The following MYO9A variants were observed in gnomAD, a reference collection of about 807,000 sequenced individuals.
MYO9A encodes the protein unconventional myosin-IXa.
MYO9A carries 103 observed loss-of-function variants against 293.3 expected under a neutral mutation model. The observed-to-expected ratio is 0.35, with a 90% CI of 0.30 to 0.41. MYO9A has a LOEUF of 0.41. Ranked by LOEUF, MYO9A falls within the 10% of genes least tolerant of loss-of-function variation. The pLI, the probability that MYO9A is intolerant of heterozygous loss-of-function variation, is 1.00. For missense variants in MYO9A, 2,685 were observed against 3,033.0 expected, an observed-to-expected ratio of 0.89 and a Z score of 2.69; for synonymous variants, 1,001 against 1,035.7, an observed-to-expected ratio of 0.97 and a Z score of 0.64.
At chr15:71,915,156 GA>G (rs2057972075) in intron 19 of MYO9A, among the ~76,000 whole-genome samples, 1 of 151,728 alleles carries the variant, frequency 6.6e-6, no homozygotes, top group Non-Finnish European at 1.5e-5. Flanking sequence ...TACTCAACAT[GA>G]TTTTTTTTTC....
At chr15:72,025,698 T>C (rs1438824872) in intron 4 of MYO9A, among the ~76,000 whole-genome samples, 1 of 151,928 alleles carries the variant, frequency 6.6e-6, no homozygotes, top group Non-Finnish European at 1.5e-5. Flanking sequence ...AATTCAACAA[T>C]AATACTGAGA....
At chr15:71,876,507 C>T (rs1294376506) in intron 31 of MYO9A, among the ~76,000 whole-genome samples, 1 of 136,974 alleles carries the variant, frequency 7.3e-6, no homozygotes, top group Non-Finnish European at 1.5e-5. Context: ...GCAATCTTGG[C>T]TCACCACAAC....
intron 4 of MYO9A, 22 bp from the exon 5 acceptor site, chr15:72,021,039 A>G: frequency 6.9e-7 from 1 of 1,446,318 alleles, no homozygotes; most frequent in East Asian, 2.6e-5. Flanking sequence ...AAAGAAGTAC[A>G]AGTTTCATAA....
intron 1 of MYO9A, among the ~76,000 whole-genome samples, chr15:72,065,022 G>A (rs2078978227): frequency 6.6e-6 from 1 of 152,144 alleles, no homozygotes; most frequent in African/African-American, 2.4e-5. Context: ...TCCAGAAACA[G>A]GCTCCTATAC....
intron 15 of MYO9A, chr15:71,950,347 A>G (rs2059022345): frequency 6.6e-6 from 1 of 152,238 alleles, no homozygotes; most frequent in African/African-American, 2.4e-5. Flanking sequence ...CTCCTATTCA[A>G]GATCCATATG....
At chr15:71,955,291 C>A (rs1322345320) in intron 14 of MYO9A, among the ~76,000 whole-genome samples, 3 of 152,098 alleles carry the variant, frequency 2.0e-5, no homozygotes, top group African/African-American at 7.2e-5. Flanking sequence ...CCAAGCCCGG[C>A]TAAATTTTTG....
intron 28 of MYO9A, among the ~76,000 whole-genome samples, chr15:71,880,885 AAAG>A (rs2056853157): frequency 6.6e-6 from 1 of 152,236 alleles, no homozygotes; most frequent in Non-Finnish European, 1.5e-5. Context: ...GTCCCAAAGA[AAAG>A]AAGAGAATAT....
chr15:72,042,026 A>C lies in MYO9A; in HGVS notation c.840+3698T>G, dbSNP rs1407700124. Among the ~76,000 whole-genome samples, 6 of 151,628 alleles carry C rather than the reference A, an allele frequency of 4.0e-5. 1 individual carries two copies. The highest frequency in any genetic ancestry group is 8.8e-5 in the Non-Finnish European group (6 of 67,874). On this transcript the variant is annotated intron_variant, in intron 2 of 41. Transcript: ENST00000356056. Reference sequence around the variant, plus strand: ...TCCAACACTGACAGTAAAAAAAAAAAAAACCAGTTCTACACAACTCTTCCA... The same window carrying C: ...TCCAACACTGACAGTAAAAAAAAAACAAACCAGTTCTACACAACTCTTCCA...
At chr15:71,929,639 A>G (rs1255031560) in intron 18 of MYO9A, among the ~76,000 whole-genome samples, 1 of 152,182 alleles carries the variant, frequency 6.6e-6, no homozygotes, top group African/African-American at 2.4e-5. Context: ...ATAAACCCCA[A>G]CTGATCATGG....
chr15:72,047,287 G>A (rs1268851623), intron 1 of MYO9A, among the ~76,000 whole-genome samples: 1 of 152,142 alleles, frequency 6.6e-6, no homozygotes, highest in East Asian at 1.9e-4. Context: ...GACTTGCTAG[G>A]CAAATTTAAC....
In MYO9A at chr15:71,982,487, C is replaced by T. The variant is rs537868378; in HGVS notation, c.1723-4195G>A. Among the ~76,000 whole-genome samples the T allele has an allele frequency of 1.4e-4, 22 of 152,144 alleles. No individual in the cohort carries two copies. The East Asian group carries it at 1.5e-3, about 11-fold the overall frequency. ...ATAAACAAATTTTGTAAATATCCCA[C>T]GCAAACTTGAAAAAAAAGTGCATTC... is the stretch of plus-strand genomic sequence containing the variant. On this transcript the variant is annotated intron_variant, in intron 11 of 41. Transcript: ENST00000356056.
rs780594914 is a variant in MYO9A, at chr15:71,898,556, T to A, written c.3947A>T (p.Gln1316Leu). Residue 1316 changes from glutamine to leucine, a missense_variant, in exon 25 of 42, where the codon CAG becomes CTG. This residue lies in a region of MYO9A where 1,434 missense variants were observed against 1,497.7 expected (regional missense o/e 0.96). Transcript: ENST00000356056. ...ACTATCAGGTGTACCCCGTGGAGAC[T>A]GAAGGCCTTCAGGCACCAATTCTGT... Reference protein sequence around the residue: ...WSTELVPEGLQSPRGTPDSES... With the variant: ...WSTELVPEGLLSPRGTPDSES... 1 of 1,614,112 alleles carries A rather than the reference T, an allele frequency of 6.2e-7. No individual in the cohort carries two copies. The highest frequency in any genetic ancestry group is 1.1e-5 in the South Asian group (1 of 91,078).
At position 71,900,018 on chromosome 15, in the gene MYO9A, A is replaced by G; in HGVS notation, c.3151-12T>C. Reference sequence around the variant, plus strand: ...TTCCTCCAGAATCTCTATGGGGAAGACAAAATAACAGAAACTGGTTGTCAT... The same window carrying G: ...TTCCTCCAGAATCTCTATGGGGAAGGCAAAATAACAGAAACTGGTTGTCAT... On this transcript the variant is annotated splice_polypyrimidine_tract_variant and intron_variant, in intron 23 of 41. Coordinates refer to ENST00000356056, the MANE Select transcript of MYO9A (RefSeq NM_006901.4). 2 of 1,587,018 alleles carry G rather than the reference A, an allele frequency of 1.3e-6. No homozygotes were observed. Among genetic ancestry groups the G allele is most frequent in the Non-Finnish European group, 1.7e-6 (2 of 1,163,508 alleles).
intron 1 of MYO9A, among the ~76,000 whole-genome samples, chr15:72,084,854 G>C (rs1270769251): frequency 4.6e-5 from 7 of 152,104 alleles, no homozygotes; most frequent in Non-Finnish European, 8.8e-5. Flanking sequence ...GCTTCCCTTT[G>C]TAGTTCTCAT....
intron 1 of MYO9A, among the ~76,000 whole-genome samples, chr15:72,053,331 A>T (rs1035441737): frequency 1.3e-5 from 2 of 152,060 alleles, no homozygotes; most frequent in East Asian, 3.9e-4. Flanking sequence ...GCTTGAACTC[A>T]GGAGGCGCAG....
chr15:72,008,170 A>C (rs987192337), intron 7 of MYO9A, among the ~76,000 whole-genome samples: 3 of 152,186 alleles, frequency 2.0e-5, no homozygotes, highest in African/African-American at 7.2e-5. Context: ...ACCACTTCTT[A>C]TATAGTCATT....
chr15:71,870,348 A>G (rs929534909), intron 32 of MYO9A, among the ~76,000 whole-genome samples: 4 of 151,790 alleles, frequency 2.6e-5, no homozygotes, highest in Admixed American at 1.3e-4. Context: ...GAGCAAAGAC[A>G]AAAAAAAGAA....
At chr15:72,012,344 C>T (rs1310996000) in intron 6 of MYO9A, among the ~76,000 whole-genome samples, 1 of 152,046 alleles carries the variant, frequency 6.6e-6, no homozygotes, top group East Asian at 1.9e-4. Flanking sequence ...TGCCCAGCTG[C>T]TGTGCAATGA....
At chr15:71,879,901 T>A in intron 29 of MYO9A, 64 bp from the exon 30 acceptor site, 1 of 1,094,970 alleles carries the variant, frequency 9.1e-7, no homozygotes, top group Non-Finnish European at 1.4e-6. Flanking sequence ...AATACAACAG[T>A]AGGCATGTAT....
Sources: gnomAD v4.1 joint callset for allele counts (sites outside exome capture counted in the v4.1 genomes callset) on GRCh38, gnomAD v4.1.1 for gene constraint, gnomAD v4.1.1 regional missense constraint, MANE v1.5 for transcripts, NCBI Gene and HGNC (gene_info 2026-07-23, HGNC 2026-07-21) for gene names.